PILRA: variants seen among roughly 807,000 people sequenced by gnomAD.
The protein encoded by PILRA is paired immunoglobin like type 2 receptor alpha.
Under a neutral mutation model 33.1 loss-of-function variants are expected in PILRA, and 37 were observed. The ratio of observed to expected loss-of-function variants is 1.12; its 90% confidence interval spans 0.86 to 1.47. The LOEUF (loss-of-function observed/expected upper bound fraction) is 1.47. Ranked by LOEUF, PILRA falls within the 40% of genes most tolerant of loss-of-function variation. The pLI is 0.00. For synonymous variants in PILRA, 146 were observed against 149.9 expected (o/e 0.97, Z 0.19); for missense variants, 312 against 376.2 (o/e 0.83, Z 1.41).
intron 2 of PILRA, among the ~76,000 whole-genome samples, chr7:100,383,508 G>A (rs1320648745): frequency 6.6e-6 from 1 of 152,198 alleles, no homozygotes; most frequent in African/African-American, 2.4e-5. Context: ...AGAGGCAGAG[G>A]GTGGAAGGAG....
Position 100,374,174 on chromosome 7 carries a change from C to T in PILRA, c.195C>T (p.Pro65=), listed in dbSNP as rs561083704. 218 of 1,614,104 alleles carry T rather than the reference C, an allele frequency of 1.4e-4. No individual in the cohort carries two copies. The South Asian group carries it at 2.2e-3, about 16-fold the overall frequency. ...FYYPWELATA[P]DVRISWRRGH... is the part of the protein sequence containing the mutation. ...ACCCCTGGGAGTTAGCCACAGCTCC[C>T]GACGTGAGAATATCCTGGAGACGGG... The change falls in exon 2 of 7, where the codon CCC becomes CCT. Residue 65 remains proline, a synonymous_variant. Coordinates refer to ENST00000198536, the MANE Select transcript of PILRA (RefSeq NM_013439.3).
chr7:100,371,718 C>G (rs1790818583), upstream of PILRA, among the ~76,000 whole-genome samples: 1 of 152,200 alleles, frequency 6.6e-6, no homozygotes. Flanking sequence ...TCCTCCTCCT[C>G]TCAGAAGCCC....
chr7:100,382,810 GC>G (rs1366690155), intron 2 of PILRA, among the ~76,000 whole-genome samples: 53 of 152,280 alleles, frequency 3.5e-4, no homozygotes, highest in African/African-American at 1.2e-3. Context: ...AAGGTTTGTA[GC>G]TTCACTCTGG....
At chr7:100,374,523 ACTT>A (rs939200351) in intron 2 of PILRA, 90 bp downstream of exon 2, 18 of 1,474,190 alleles carry the variant, frequency 1.2e-5, no homozygotes, top group Admixed American at 5.2e-5. Flanking sequence ...CTCAGACCCC[ACTT>A]CTTCTGACGA....
intron 5 of PILRA, 109 bp downstream of exon 5, chr7:100,399,449 TCCTTGCC>T: frequency 7.2e-7 from 1 of 1,384,006 alleles, no homozygotes; most frequent in Non-Finnish European, 1.0e-6. Context: ...TTCTTTCCAT[TCCTTGCC>T]CCTTGCCCTC....
chr7:100,374,786 C>T (rs1790908862), intron 2 of PILRA: 1 of 354,976 alleles, frequency 2.8e-6, no homozygotes, highest in Non-Finnish European at 5.5e-6. Context: ...GATTCGATCT[C>T]TCCAGGATGT....
chr7:100,376,261 T>C (rs1389741333), intron 2 of PILRA: 1 of 152,146 alleles, frequency 6.6e-6, no homozygotes, highest in Non-Finnish European at 1.5e-5. Flanking sequence ...TTTGATTTCC[T>C]ACATATTTCC....
chr7:100,374,945 C>G (rs1408057545), intron 2 of PILRA, among the ~76,000 whole-genome samples: 1 of 152,156 alleles, frequency 6.6e-6, no homozygotes, highest in African/African-American at 2.4e-5. Flanking sequence ...CCCTGCAGTC[C>G]CTGGGTCAAG....
chr7:100,383,155 C>A (rs1341378287), intron 2 of PILRA, among the ~76,000 whole-genome samples: 1 of 152,002 alleles, frequency 6.6e-6, no homozygotes, highest in Non-Finnish European at 1.5e-5. Flanking sequence ...ACTGGGGAGA[C>A]CTTAGAGTGA....
At chr7:100,382,940 TCCGTGGC>T in intron 2 of PILRA, among the ~76,000 whole-genome samples, 1 of 152,202 alleles carries the variant, frequency 6.6e-6, no homozygotes, top group Non-Finnish European at 1.5e-5. Context: ...ACTGCAAGCG[TCCGTGGC>T]TTCATTCTTG....
chr7:100,379,736 A>C (rs1338234204), intron 2 of PILRA, among the ~76,000 whole-genome samples: 1 of 151,920 alleles, frequency 6.6e-6, no homozygotes, highest in Non-Finnish European at 1.5e-5. Context: ...ATGCATGTTT[A>C]CCACCACCCT....
chr7:100,388,898 A>G (rs1791316254), intron 2 of PILRA, among the ~76,000 whole-genome samples: 1 of 152,138 alleles, frequency 6.6e-6, no homozygotes. Context: ...GTTGTTTAAC[A>G]CGTGAAATGT....
intron 1 of PILRA, 137 bp downstream of exon 1, chr7:100,373,857 T>C: frequency 7.7e-7 from 1 of 1,301,126 alleles, no homozygotes; most frequent in Non-Finnish European, 1.1e-6. Flanking sequence ...CAGGGGCGGG[T>C]GACCCCATCC....
At chr7:100,381,185 G>A (rs980628038) in intron 2 of PILRA, among the ~76,000 whole-genome samples, 4 of 151,958 alleles carry the variant, frequency 2.6e-5, no homozygotes, top group South Asian at 2.1e-4. Flanking sequence ...AGAATGGCGC[G>A]AACCCGGGAG....
chr7:100,386,939 G>A (rs1266777334), intron 2 of PILRA, among the ~76,000 whole-genome samples: 1 of 151,784 alleles, frequency 6.6e-6, no homozygotes, highest in Non-Finnish European at 1.5e-5. Flanking sequence ...TTTATGTTCT[G>A]GAAACTTCTA....
chr7:100,379,833 A>G (rs1239092050), intron 2 of PILRA, among the ~76,000 whole-genome samples: 1 of 152,176 alleles, frequency 6.6e-6, no homozygotes, highest in Non-Finnish European at 1.5e-5. Context: ...TGGATGTACA[A>G]AAGCAAAATT....
intron 2 of PILRA, among the ~76,000 whole-genome samples, chr7:100,384,848 G>C (rs1228582558): frequency 6.6e-6 from 1 of 152,148 alleles, no homozygotes; most frequent in East Asian, 1.9e-4. Flanking sequence ...AGTGTGGCTA[G>C]AGAGGAAGTT....
intron 2 of PILRA, among the ~76,000 whole-genome samples, chr7:100,382,382 C>T (rs1341755383): frequency 6.6e-6 from 1 of 152,068 alleles, no homozygotes; most frequent in Admixed American, 6.6e-5. Flanking sequence ...CTTGGAGGAC[C>T]TTTATGTCTA....
intron 2 of PILRA, among the ~76,000 whole-genome samples, chr7:100,388,687 A>G (rs985661078): frequency 7.0e-6 from 1 of 142,210 alleles, no homozygotes; most frequent in African/African-American, 2.6e-5. Flanking sequence ...CGGAGGTTGC[A>G]GTGAGCCGAG....
Sources: gnomAD v4.1 joint callset for allele counts (sites outside exome capture counted in the v4.1 genomes callset) on GRCh38, gnomAD v4.1.1 for gene constraint, MANE v1.5 for transcripts, NCBI Gene and HGNC (gene_info 2026-07-23, HGNC 2026-07-21) for gene names.